SOBP: variants seen among roughly 807,000 people sequenced by gnomAD.
SOBP encodes sine oculis-binding protein homolog.
A neutral mutation model predicts 53.6 loss-of-function variants in SOBP; 4 were observed. That is an observed-to-expected ratio of 0.07 (90% CI 0.04 to 0.17). The LOEUF is 0.17. Ranked by LOEUF, SOBP falls within the 10% of genes least tolerant of loss-of-function variation. The pLI, the probability that SOBP is intolerant of heterozygous loss-of-function variation, is 1.00. For synonymous variants in SOBP, 584 were observed against 522.6 expected, an observed-to-expected ratio of 1.12 and a Z score of -1.60; for missense variants, 1,088 against 1,204.7, an observed-to-expected ratio of 0.90 and a Z score of 1.43.
At chr6:107,633,396 T>C in intron 5 of SOBP, 118 bp from the exon 6 acceptor site, 1 of 1,253,200 alleles carries the variant, frequency 8.0e-7, no homozygotes, top group Non-Finnish European at 1.2e-6. Flanking sequence ...GAAACAGTTC[T>C]GCCTGTTTGA....
chr6:107,556,980 A>G (rs1370553248), intron 4 of SOBP, among the ~76,000 whole-genome samples: 2 of 152,256 alleles, frequency 1.3e-5, no homozygotes, highest in African/African-American at 4.8e-5. Flanking sequence ...AGTAATAACA[A>G]GAATATACAT....
intron 4 of SOBP, among the ~76,000 whole-genome samples, chr6:107,540,767 C>T (rs1784128494): frequency 6.6e-6 from 1 of 152,176 alleles, no homozygotes; most frequent in African/African-American, 2.4e-5. Flanking sequence ...GTCACAACCT[C>T]CCAGAAGTTG....
intron 3 of SOBP, chr6:107,510,785 A>G (rs1783147821): frequency 6.6e-6 from 1 of 152,218 alleles, no homozygotes; most frequent in Non-Finnish European, 1.5e-5. Flanking sequence ...GGAAACAAAT[A>G]AAGGGTACAG....
chr6:107,578,804 G>A (rs546439126), intron 4 of SOBP, among the ~76,000 whole-genome samples: 1 of 152,224 alleles, frequency 6.6e-6, no homozygotes, highest in African/African-American at 2.4e-5. Flanking sequence ...GGTTATTTCT[G>A]GGGGAGGCAT....
rs111946724 is a variant in SOBP at position 107,548,578 on chromosome 6, A to G, written c.573+14968A>G. Among the ~76,000 whole-genome samples the G allele has an allele frequency of 4.5e-3, 683 of 152,246 alleles. 7 individuals carry two copies. Among genetic ancestry groups the G allele is most frequent in the African/African-American group, 0.016 (648 of 41,556 alleles). ...TAATTTTCAACGTTCTTTATCATGA[A>G]TTGTTTAATAAGTAGAAAAGAATAT... is the stretch of plus-strand genomic sequence containing the variant. On this transcript the variant is annotated intron_variant, in intron 4 of 6. Transcript: ENST00000317357.
intron 6 of SOBP, among the ~76,000 whole-genome samples, chr6:107,644,038 A>C (rs1353727017): frequency 1.3e-5 from 2 of 152,180 alleles, no homozygotes; most frequent in Non-Finnish European, 2.9e-5. Context: ...GTGGTGGCTC[A>C]CTCCTGTAAT....
intron 5 of SOBP, among the ~76,000 whole-genome samples, chr6:107,604,514 C>T (rs1005256170): frequency 4.3e-4 from 66 of 151,960 alleles, no homozygotes; most frequent in Middle Eastern, 3.4e-3. Context: ...TGCCCCCACC[C>T]CCTAATCCCC....
At chr6:107,558,677 T>A (rs1303311391) in intron 4 of SOBP, among the ~76,000 whole-genome samples, 1 of 150,872 alleles carries the variant, frequency 6.6e-6, no homozygotes, top group Admixed American at 6.6e-5. Context: ...TAATAAAATA[T>A]AATAAATATA....
intron 5 of SOBP, among the ~76,000 whole-genome samples, chr6:107,606,712 C>T (rs1015836488): frequency 6.6e-6 from 1 of 152,180 alleles, no homozygotes; most frequent in Non-Finnish European, 1.5e-5. Flanking sequence ...GGCGGCAGCG[C>T]CCTCACTGGG....
At chr6:107,510,487 T>C (rs866204499) in intron 3 of SOBP, 17 of 152,244 alleles carry the variant, frequency 1.1e-4, no homozygotes, top group African/African-American at 4.1e-4. Flanking sequence ...ATTCAAATCT[T>C]ATTGCACATA....
At chr6:107,616,094 G>GGC (rs1554187933) in intron 5 of SOBP, among the ~76,000 whole-genome samples, 4 of 116,332 alleles carry the variant, frequency 3.4e-5, no homozygotes, top group African/African-American at 1.3e-4. Context: ...TGGGGGGGGG[G>GGC]CGGGGGGGCG....
intron 5 of SOBP, among the ~76,000 whole-genome samples, chr6:107,627,591 A>C (rs1025963650): frequency 6.6e-6 from 1 of 152,234 alleles, no homozygotes; most frequent in African/African-American, 2.4e-5. Context: ...TATTTAAGAG[A>C]GAGAGAGAGC....
At chr6:107,496,001 A>C (rs549239381) in intron 1 of SOBP, among the ~76,000 whole-genome samples, 1 of 152,124 alleles carries the variant, frequency 6.6e-6, no homozygotes, top group Non-Finnish European at 1.5e-5. Context: ...GAAAAAAAAA[A>C]CACGGAAGAC....
intron 5 of SOBP, among the ~76,000 whole-genome samples, chr6:107,623,394 A>G (rs919132770): frequency 6.6e-6 from 1 of 152,234 alleles, no homozygotes; most frequent in African/African-American, 2.4e-5. Context: ...AATATTTAAC[A>G]AAAGAGGATG....
chr6:107,658,027 G>A (rs763567873), intron 6 of SOBP, among the ~76,000 whole-genome samples, 180 bp from the exon 7 acceptor site: 11 of 152,152 alleles, frequency 7.2e-5, no homozygotes, highest in Non-Finnish European at 1.6e-4. Context: ...TGAGCAGACC[G>A]TGAATGAAAC....
chr6:107,520,497 A>G lies in SOBP; in HGVS notation c.422-12962A>G, dbSNP rs111700459. Among the ~76,000 whole-genome samples, 692 of 152,332 alleles carry G rather than the reference A, an allele frequency of 4.5e-3. 7 individuals carry two copies. The highest frequency in any genetic ancestry group is 0.016 in the African/African-American group (658 of 41,576). ...AATCTGATCATGGATTCTAGATCAC[A>G]TACTTCTGTGATTCCGGAGGCAGCC... is the stretch of plus-strand genomic sequence containing the variant. On this transcript the variant is annotated intron_variant, in intron 3 of 6. Transcript: ENST00000317357.
intron 3 of SOBP, among the ~76,000 whole-genome samples, chr6:107,529,018 C>T (rs1783745331): frequency 6.6e-6 from 1 of 152,158 alleles, no homozygotes; most frequent in African/African-American, 2.4e-5. Flanking sequence ...ATGAGCCGTG[C>T]ATTGTGCGGG....
chr6:107,642,443 A>G (rs1026322539), intron 6 of SOBP, among the ~76,000 whole-genome samples: 1 of 152,266 alleles, frequency 6.6e-6, no homozygotes, highest in Non-Finnish European at 1.5e-5. Context: ...AGTGTACTAC[A>G]TAGTTTAAAA....
At chr6:107,552,916 C>T (rs1784502950) in intron 4 of SOBP, among the ~76,000 whole-genome samples, 1 of 152,074 alleles carries the variant, frequency 6.6e-6, no homozygotes, top group South Asian at 2.1e-4. Flanking sequence ...GTGTGAGACC[C>T]TGTCTCCATG....
Sources: gnomAD v4.1 joint callset for allele counts (sites outside exome capture counted in the v4.1 genomes callset) on GRCh38, gnomAD v4.1.1 for gene constraint, MANE v1.5 for transcripts, NCBI Gene and HGNC (gene_info 2026-07-23, HGNC 2026-07-21) for gene names.